The following SRPRB variants were observed in gnomAD, a reference collection of about 807,000 sequenced individuals.
SRPRB encodes the protein signal recognition particle receptor subunit beta.
In SRPRB, 20 loss-of-function variants were observed where a neutral mutation model predicts 31.9. That is an observed-to-expected ratio of 0.63 (90% confidence interval 0.44 to 0.91). SRPRB has a LOEUF of 0.91. SRPRB is among the 40% of genes least tolerant of loss of function. The pLI, the probability that SRPRB is intolerant of heterozygous loss-of-function variation, is 0.00. For synonymous variants in SRPRB, 146 were observed against 132.8 expected (o/e 1.10, Z -0.68); for missense variants, 321 against 324.9 (o/e 0.99, Z 0.09).
chr3:133,824,810 C>CA (rs1559895642), downstream of SRPRB: 3 of 152,152 alleles, frequency 2.0e-5, no homozygotes, highest in African/African-American at 7.2e-5. Flanking sequence ...AGGAACACAC[C>CA]CACACACAGC....
rs1251338324 is a variant in SRPRB, at chr3:133,815,638, A to G, written c.459A>G (p.Lys153=). 2.5e-6 allele frequency: 4 copies of G among 1,613,978 alleles called. No individual in the cohort carries two copies. Among genetic ancestry groups the G allele is most frequent in the Admixed American group, 1.7e-5 (1 of 60,004 alleles). Residue 153 remains lysine, a synonymous_variant, in exon 5 of 7, where the codon AAA becomes AAG. Transcript: ENST00000678299. The part of the protein sequence containing the change: ...VDSAAFQREV[K]DVAEFLYQVL... ...GTGCAGCATTCCAGCGAGAGGTGAA[A>G]GATGTGGCTGAGTTTCTGTATCAAG...
intron 4 of SRPRB, among the ~76,000 whole-genome samples, chr3:133,814,923 A>T (rs1935340683): frequency 1.3e-5 from 2 of 152,316 alleles, no homozygotes; most frequent in Middle Eastern, 3.4e-3. Context: ...AATATTCTTC[A>T]TAAGACAGAA....
chr3:133,809,234 C>T (rs1935216382), intron 3 of SRPRB, among the ~76,000 whole-genome samples: 1 of 152,082 alleles, frequency 6.6e-6, no homozygotes, highest in Admixed American at 6.5e-5. Context: ...CTCAAGTGAT[C>T]CGCCCACCTC....
intron 4 of SRPRB, among the ~76,000 whole-genome samples, chr3:133,811,490 G>A (rs1183240347): frequency 6.6e-6 from 1 of 152,102 alleles, no homozygotes; most frequent in Non-Finnish European, 1.5e-5. Context: ...ATTTAATAAT[G>A]TATATGACTA....
chr3:133,812,456 A>G (rs2107972066), intron 4 of SRPRB, among the ~76,000 whole-genome samples: 2 of 152,368 alleles, frequency 1.3e-5, no homozygotes, highest in African/African-American at 4.8e-5. Flanking sequence ...TTGCAGTATA[A>G]CTACTCTGTG....
At position 133,787,898 on chromosome 3, in the gene SRPRB, A is replaced by G. The variant is rs576263078; in HGVS notation, c.-174+3754A>G. ...TTTTGTACACTTTGTGTTAACGTTT[A>G]TAAAAAGACTATCTTCTGAAAACGA... On this transcript the variant is annotated intron_variant, in intron 1 of 7. Coordinates refer to the SRPRB transcript ENST00000466490. The G allele has an allele frequency of 2.0e-5, 3 of 152,378 alleles. No homozygotes were observed. The South Asian group carries it at 6.2e-4, about 32-fold the overall frequency. 9.4% of individuals were successfully genotyped at this position (152,378 alleles called of 1,614,324 possible). A position where few individuals can be genotyped will look rare whatever the true frequency, so the allele number is the denominator to read the frequency against.
At chr3:133,810,027 G>T (rs777184952) in intron 3 of SRPRB, among the ~76,000 whole-genome samples, 21 of 151,422 alleles carry the variant, frequency 1.4e-4, no homozygotes, top group Non-Finnish European at 3.1e-4. Flanking sequence ...TTACGTTTTC[G>T]ATCTAATCTC....
chr3:133,801,320 T>C (rs147449819), upstream of SRPRB, among the ~76,000 whole-genome samples: 180 of 152,354 alleles, frequency 1.2e-3, no homozygotes, highest in Middle Eastern at 6.8e-3. Flanking sequence ...CAGTATCGCA[T>C]GTCCTTCCTC....
Position 133,805,981 on chromosome 3 carries a change from C to T in SRPRB, c.133C>T (p.Leu45Phe). 1.2e-6 allele frequency: 2 copies of T among 1,613,172 alleles called. No individual in the cohort carries two copies. The highest frequency in any genetic ancestry group is 1.7e-6 in the Non-Finnish European group (2 of 1,179,484). Residue 45 changes from leucine (L) to phenylalanine (F), a missense_variant, in exon 1 of 7, where the codon CTT becomes TTT. Transcript: ENST00000678299. ...GCTGTTGTCAGTAGTGGTGGCGGTT[C>T]TTGCGGTGCTGCTGACGCTAGGTAA... ...PTLLSVVVAV[L>F]AVLLTLVFWK...
chr3:133,815,567 T>C, intron 4 of SRPRB, 23 bp from the exon 5 acceptor site: 1 of 1,612,038 alleles, frequency 6.2e-7, no homozygotes, highest in Non-Finnish European at 8.5e-7. Context: ...CACATGCCAG[T>C]TTTTCTTGTT....
At chr3:133,811,053 TAA>T in intron 3 of SRPRB, 62 bp from the exon 4 acceptor site, 1 of 1,530,566 alleles carries the variant, frequency 6.5e-7, no homozygotes, top group Non-Finnish European at 9.0e-7. Flanking sequence ...TATATGATAC[TAA>T]AGGTTTATAT....
intron 1 of SRPRB, chr3:133,788,436 GGAGCGTA>G (rs2107949203): frequency 6.6e-6 from 1 of 152,316 alleles, no homozygotes; most frequent in East Asian, 1.9e-4. Flanking sequence ...CCCACCCTGT[GGAGCGTA>G]CTTTCATTTC....
intron 4 of SRPRB, among the ~76,000 whole-genome samples, chr3:133,812,773 C>A (rs369355312): frequency 1.3e-5 from 2 of 152,178 alleles, no homozygotes; most frequent in Middle Eastern, 3.2e-3. Flanking sequence ...CTTTAACTTT[C>A]ATCTTCCTCA....
intron 1 of SRPRB, among the ~76,000 whole-genome samples, chr3:133,800,507 C>G (rs530755665): frequency 6.6e-6 from 1 of 152,176 alleles, no homozygotes; most frequent in African/African-American, 2.4e-5. Flanking sequence ...CCCAAGCTGC[C>G]TGGCCAGATG....
At chr3:133,819,220 G>T (rs1320775762) in intron 6 of SRPRB, among the ~76,000 whole-genome samples, 1 of 152,078 alleles carries the variant, frequency 6.6e-6, no homozygotes, top group Non-Finnish European at 1.5e-5. Context: ...AACACTTAAA[G>T]CATGTATTTT....
intron 1 of SRPRB, chr3:133,793,033 TA>T (rs1389954568): frequency 6.6e-6 from 1 of 152,282 alleles, no homozygotes; most frequent in African/African-American, 2.4e-5. Flanking sequence ...AAGGTTTTCT[TA>T]AAAATTGGGG....
At position 133,805,992 on chromosome 3, in the gene SRPRB, G is replaced by A; in HGVS notation, c.144G>A (p.Leu48=). The A allele has an allele frequency of 6.2e-7, 1 of 1,613,046 alleles. No homozygotes were observed. Among genetic ancestry groups the A allele is most frequent in the Non-Finnish European group, 8.5e-7 (1 of 1,179,350 alleles). Residue 48 remains leucine (L), a synonymous_variant, in exon 1 of 7, where the codon CTG becomes CTA. Coordinates refer to ENST00000678299, the MANE Select transcript of SRPRB (RefSeq NM_001379313.1). ...TAGTGGTGGCGGTTCTTGCGGTGCTGCTGACGCTAGGTAAAAGGCGGCCGG... is the reference window on the plus strand; with the variant it reads ...TAGTGGTGGCGGTTCTTGCGGTGCTACTGACGCTAGGTAAAAGGCGGCCGG... ...LSVVVAVLAV[L]LTLVFWKLIR... is the part of the protein sequence containing the mutation.
downstream of SRPRB, among the ~76,000 whole-genome samples, chr3:133,822,725 A>G (rs186088804): frequency 5.9e-5 from 9 of 152,304 alleles, no homozygotes; most frequent in Non-Finnish European, 1.0e-4. Context: ...GTTCAGCACA[A>G]TTGTCAAAGC....
chr3:133,806,099 G>A (rs1021469635), intron 1 of SRPRB, 97 bp downstream of exon 1: 2 of 1,482,880 alleles, frequency 1.3e-6, no homozygotes, highest in African/African-American at 1.4e-5. Context: ...CTGAGAGGGC[G>A]CCTTGAGGGC....
Sources: gnomAD v4.1 joint callset for allele counts (sites outside exome capture counted in the v4.1 genomes callset) on GRCh38, gnomAD v4.1.1 for gene constraint, MANE v1.5 for transcripts, NCBI Gene and HGNC (gene_info 2026-07-23, HGNC 2026-07-21) for gene names.